PLCD1: variants seen among roughly 807,000 people sequenced by gnomAD.
The protein encoded by PLCD1 is 1-phosphatidylinositol 4,5-bisphosphate phosphodiesterase delta-1.
PLCD1 carries 71 observed loss-of-function variants against 87.4 expected under a neutral mutation model. That is an observed-to-expected ratio of 0.81 (90% CI 0.67 to 0.99). PLCD1 has a LOEUF of 0.99. Ranked by LOEUF, PLCD1 falls within the 50% of genes least tolerant of loss-of-function variation. PLCD1 has a pLI of 0.00. For synonymous variants in PLCD1, 348 were observed against 399.2 expected (o/e 0.87, Z 1.53); for missense variants, 867 against 1,001.5 (o/e 0.87, Z 1.81).
At chr3:38,009,015 C>T (rs2125543204) in intron 11 of PLCD1, 27 bp downstream of exon 11, 12 of 1,576,054 alleles carry the variant, frequency 7.6e-6, no homozygotes, top group Non-Finnish European at 1.0e-5. Context: ...CTCCTCCAGG[C>T]CTCCTCCAGC....
At position 38,008,384 on chromosome 3, in the gene PLCD1, G is replaced by A. The variant is rs1700001793; in HGVS notation, c.1903-17C>T. 1.2e-6 allele frequency: 2 copies of A among 1,614,096 alleles called. No individual in the cohort carries two copies. The highest frequency in any genetic ancestry group is 1.7e-6 in the Non-Finnish European group (2 of 1,180,044). On this transcript the variant is annotated splice_polypyrimidine_tract_variant and intron_variant, in intron 12 of 14. Transcript: ENST00000334661. Reference sequence around the variant, plus strand: ...CGAAATGACCTGAGGAAAGGCAGAGGACAATGGACAGTTCAGGAGTGGTAG... The same window carrying A: ...CGAAATGACCTGAGGAAAGGCAGAGAACAATGGACAGTTCAGGAGTGGTAG...
intron 1 of PLCD1, among the ~76,000 whole-genome samples, chr3:38,027,693 G>A (rs28578828): frequency 0.049 from 7,471 of 152,290 alleles, 596 homozygotes; most frequent in African/African-American, 0.17. Flanking sequence ...ATCCAGTGCT[G>A]GGGCACCCAC....
chr3:38,009,211 G>T (rs1700025926), intron 10 of PLCD1, 53 bp from the exon 11 acceptor site: 1 of 1,611,516 alleles, frequency 6.2e-7, no homozygotes, highest in South Asian at 1.1e-5. Context: ...TGAGGCCCAA[G>T]CCCTGCCCTG....
At chr3:38,008,936 T>G in intron 11 of PLCD1, 106 bp downstream of exon 11, 2 of 892,212 alleles carry the variant, frequency 2.2e-6, no homozygotes, top group Non-Finnish European at 3.7e-6. Context: ...CATTTGACCC[T>G]GCTTGGGTCC....
Position 38,009,354 on chromosome 3 carries a change from G to A in PLCD1, c.1524C>T (p.Ser508=). 6.2e-7 allele frequency: 1 copy of A among 1,614,154 alleles called. No individual in the cohort carries two copies. The highest frequency in any genetic ancestry group is 8.5e-7 in the Non-Finnish European group (1 of 1,179,964). Residue 508 remains serine (S), a synonymous_variant, in exon 10 of 15, where the codon TCC becomes TCT. Transcript: ENST00000334661. ...AGGCCTGTCCAGGGGTGCCAGGACTGGAGAAGCCCCCAAAGTGGACACTCT... is the reference window on the plus strand; with the variant it reads ...AGGCCTGTCCAGGGGTGCCAGGACTAGAGAAGCCCCCAAAGTGGACACTCT... ...YCKSVHFGGF[S]SPGTPGQAFY...
chr3:38,024,654 G>T, intron 1 of PLCD1: 1 of 1,517,316 alleles, frequency 6.6e-7, no homozygotes, highest in Non-Finnish European at 8.8e-7. Context: ...GGCTGAGGGG[G>T]TAGTCAGACG....
At chr3:38,010,588 T>C (rs779154213) in intron 5 of PLCD1, 26 bp from the exon 6 acceptor site, 6 of 1,596,688 alleles carry the variant, frequency 3.8e-6, no homozygotes, top group Non-Finnish European at 5.1e-6. Context: ...CCACTGCCCG[T>C]CAGAGCCAGC....
At chr3:38,010,722 C>A (rs990117371) in intron 5 of PLCD1, among the ~76,000 whole-genome samples, 160 bp from the exon 6 acceptor site, 4 of 152,154 alleles carry the variant, frequency 2.6e-5, no homozygotes, top group African/African-American at 9.7e-5. Flanking sequence ...AGGCTCTCGA[C>A]CAGACTGTGG....
chr3:38,009,843 A>C (rs1206814079), intron 8 of PLCD1, 32 bp from the exon 9 acceptor site: 1 of 1,612,730 alleles, frequency 6.2e-7, no homozygotes, highest in Admixed American at 1.7e-5. Context: ...GTCAAGACAC[A>C]CCTAGCGCCC....
At chr3:38,015,324 G>A (rs899195674) in intron 3 of PLCD1, among the ~76,000 whole-genome samples, 8 of 152,194 alleles carry the variant, frequency 5.3e-5, no homozygotes, top group Non-Finnish European at 1.2e-4. Context: ...CTAAATGAAA[G>A]AAGCCAGTCA....
intron 1 of PLCD1, chr3:38,024,655 T>G: frequency 6.6e-7 from 1 of 1,512,118 alleles, no homozygotes; most frequent in Admixed American, 2.0e-5. Flanking sequence ...GCTGAGGGGG[T>G]AGTCAGACGC....
chr3:38,024,281 T>A (rs1700275445), intron 1 of PLCD1: 1 of 1,513,920 alleles, frequency 6.6e-7, no homozygotes, highest in Non-Finnish European at 9.1e-7. Flanking sequence ...GTCGGCGTCC[T>A]GCTCCAGCTG....
chr3:38,012,026 C>CTTTT (rs1193372924), intron 3 of PLCD1, among the ~76,000 whole-genome samples: 10 of 139,932 alleles, frequency 7.1e-5, no homozygotes, highest in African/African-American at 1.8e-4. Context: ...TCTGGTTTTC[C>CTTTT]TTTTCTTTTT....
intron 1 of PLCD1, chr3:38,024,512 C>A: frequency 6.5e-7 from 1 of 1,536,672 alleles, no homozygotes; most frequent in East Asian, 2.5e-5. Flanking sequence ...TCACAACACC[C>A]TCTGCTCTGG....
At chr3:38,020,421 G>T in intron 1 of PLCD1, 69 bp from the exon 2 acceptor site, 1 of 1,471,430 alleles carries the variant, frequency 6.8e-7, no homozygotes, top group Non-Finnish European at 9.5e-7. Flanking sequence ...CCTCACACTG[G>T]CCATGCCCAC....
chr3:38,015,132 T>G (rs1378045442), intron 3 of PLCD1, among the ~76,000 whole-genome samples: 1 of 152,204 alleles, frequency 6.6e-6, no homozygotes, highest in Non-Finnish European at 1.5e-5. Flanking sequence ...ACACCAAAAC[T>G]TATACACGAA....
chr3:38,020,402 T>C (rs1559376883), intron 1 of PLCD1, 50 bp from the exon 2 acceptor site: 5 of 1,569,566 alleles, frequency 3.2e-6, no homozygotes, highest in Middle Eastern at 1.7e-4. Flanking sequence ...GTTTCCCTGA[T>C]GCCCTAGGCC....
chr3:38,014,059 A>C (rs1700121126), intron 3 of PLCD1, among the ~76,000 whole-genome samples: 1 of 152,216 alleles, frequency 6.6e-6, no homozygotes. Flanking sequence ...GCACTGTTGA[A>C]AAAAAATGAA....
Position 38,008,257 on chromosome 3 carries a change from CTG to C in PLCD1, c.2011_2012del (p.Gln671AspfsTer20). 6.2e-7 allele frequency: 1 copy of C among 1,614,206 alleles called. No individual in the cohort carries two copies. Among genetic ancestry groups the C allele is most frequent in the Non-Finnish European group, 8.5e-7 (1 of 1,180,054 alleles). The part of the protein sequence containing the change: ...HGVSRDVASR[Q>X]TAVITNNGFN... Reference sequence around the variant, plus strand: ...TACCATTGTTGGTGATGACAGCAGTCTGGCGGCTGGCCACGTCCCGGCTCACG... The same window carrying C: ...TACCATTGTTGGTGATGACAGCAGTCGCGGCTGGCCACGTCCCGGCTCACG... On this transcript the variant is annotated frameshift_variant, in exon 13 of 15. Transcript: ENST00000334661. LOFTEE classifies it high-confidence loss of function.
Sources: gnomAD v4.1 joint callset for allele counts (sites outside exome capture counted in the v4.1 genomes callset) on GRCh38, gnomAD v4.1.1 for gene constraint, MANE v1.5 for transcripts, NCBI Gene and HGNC (gene_info 2026-07-23, HGNC 2026-07-21) for gene names.